Variants in FBXO43 observed in about 807,000 individuals in gnomAD.
The protein encoded by FBXO43 is F-box protein 43.
A neutral mutation model predicts 56.7 loss-of-function variants in FBXO43; 22 were observed. The ratio of observed to expected loss-of-function variants is 0.39; its 90% CI spans 0.28 to 0.55. The LOEUF (loss-of-function observed/expected upper bound fraction) is 0.55. Ranked by LOEUF, FBXO43 falls within the 20% of genes least tolerant of loss-of-function variation. FBXO43 has a pLI of 0.66. For missense variants in FBXO43, 733 were observed against 814.9 expected, an observed-to-expected ratio of 0.90 and a Z score of 1.22; for synonymous variants, 306 against 294.5, an observed-to-expected ratio of 1.04 and a Z score of -0.40.
At chr8:100,145,996 A>C (rs1369634975), upstream of FBXO43, among the ~76,000 whole-genome samples, 1 of 152,196 alleles carries the variant, frequency 6.6e-6, no homozygotes. Context: ...CGGGTCAGAA[A>C]GGCTCTGCTT....
rs1199939625 is a variant in FBXO43, at chr8:100,145,360, A to G, written c.-225T>C. On this transcript the variant is annotated 5_prime_UTR_variant, in exon 1 of 5. Transcript: ENST00000428847. ...TCCAGCTGGACTTAGACATGAGTAA[A>G]CTTCCCAAATTCGGGTTCCTGAAAA... The G allele has an allele frequency of 2.5e-6, 1 of 395,788 alleles. No homozygotes were observed. The highest frequency in any genetic ancestry group is 4.5e-6 in the Non-Finnish European group (1 of 222,552). The allele number at this position is 395,788 out of a possible 1,614,324, so 24.5% of individuals were successfully genotyped here. A position where few individuals can be genotyped will look rare whatever the true frequency, so the allele number is the denominator to read the frequency against.
chr8:100,141,433 T>C lies in FBXO43; in HGVS notation c.821A>G (p.Asn274Ser), dbSNP rs1436367344. Residue 274 changes from asparagine to serine, a missense_variant, in exon 2 of 5, where the codon AAT (asparagine) becomes AGT (serine). Coordinates refer to ENST00000428847, the MANE Select transcript of FBXO43 (RefSeq NM_001029860.4). ...GAGCTCTGGACATGCATTCTCATCA[T>C]TAATGCATAAACTGCTATCACTAAA... ...HDFSDSSLCINDENACPELLG... is the reference protein window; with the variant it reads ...HDFSDSSLCISDENACPELLG... The C allele has an allele frequency of 1.2e-6, 2 of 1,613,300 alleles. No homozygotes were observed. Among genetic ancestry groups the C allele is most frequent in the Non-Finnish European group, 1.7e-6 (2 of 1,179,942 alleles).
chr8:100,140,901 CA>C lies in FBXO43; in HGVS notation c.1352del (p.Met451ArgfsTer17). 1 of 1,614,162 alleles carries C rather than the reference CA, an allele frequency of 6.2e-7. No homozygotes were observed. The highest frequency in any genetic ancestry group is 8.5e-7 in the Non-Finnish European group (1 of 1,180,032). ...PALQLVHELF[M>X]KSKRKRLQEN... ...CCTGTAATCTTTTCCTCTTGCTTTTCATGAACAGCTCATGTACCAATTGCAA... is the reference window on the plus strand; with the variant it reads ...CCTGTAATCTTTTCCTCTTGCTTTTCTGAACAGCTCATGTACCAATTGCAA... On this transcript the variant is annotated frameshift_variant, in exon 2 of 5. Transcript: ENST00000428847. LOFTEE classifies it high-confidence loss of function.
At chr8:100,143,862 C>T (rs1447920614) in intron 1 of FBXO43, among the ~76,000 whole-genome samples, 19 of 152,296 alleles carry the variant, frequency 1.2e-4, no homozygotes, top group Non-Finnish European at 2.8e-4. Flanking sequence ...GCCTCTGCCT[C>T]CCGGGTTCAA....
chr8:100,139,556 G>T (rs963195242), intron 2 of FBXO43, among the ~76,000 whole-genome samples: 1 of 152,184 alleles, frequency 6.6e-6, no homozygotes, highest in Non-Finnish European at 1.5e-5. Context: ...CAGAAATCCT[G>T]TTCCACATGA....
rs1009262611 is a variant in FBXO43 at position 100,142,403 on chromosome 8, T to C, written c.86-235A>G. Among the ~76,000 whole-genome samples the C allele has an allele frequency of 2.6e-5, 4 of 152,196 alleles. No individual in the cohort carries two copies. The East Asian group carries it at 7.7e-4, about 29-fold the overall frequency. On this transcript the variant is annotated intron_variant, in intron 1 of 4. Coordinates refer to ENST00000428847, the MANE Select transcript of FBXO43 (RefSeq NM_001029860.4). ...CAGGTTATAAATATTCAAAGATCAC[T>C]TGATTAATCATAGGCTAAGCATCAT... is the stretch of plus-strand genomic sequence containing the variant.
rs1440496119 is a variant in FBXO43 at position 100,137,663 on chromosome 8, A to G, written c.1576T>C (p.Trp526Arg). 2 of 1,610,384 alleles carry G rather than the reference A, an allele frequency of 1.2e-6. No individual in the cohort carries two copies. The highest frequency in any genetic ancestry group is 1.7e-6 in the Non-Finnish European group (2 of 1,177,224). The change falls in exon 3 of 5, where the codon TGG (tryptophan) becomes CGG (arginine). Residue 526 changes from tryptophan to arginine, a missense_variant. Trp to Arg is a moderately radical substitution (Grantham distance 101, BLOSUM62 -3). Coordinates refer to ENST00000428847, the MANE Select transcript of FBXO43 (RefSeq NM_001029860.4). ...TCACGCCAATTTCTGCTTACTTTCC[A>G]AACACTATAACAAAAAGATCCATCC... is the stretch of plus-strand genomic sequence containing the variant. ...SLTAESLCSVWKVSRNWREIV... is the reference protein window; with the variant it reads ...SLTAESLCSVRKVSRNWREIV...
chr8:100,148,701 C>T (rs763692963), upstream of FBXO43, among the ~76,000 whole-genome samples: 108 of 152,238 alleles, frequency 7.1e-4, no homozygotes, highest in Non-Finnish European at 1.8e-4. Context: ...GCGTGAGCCA[C>T]GGTGCCCAGC....
chr8:100,145,043 A>ACT lies in FBXO43; in HGVS notation c.85+6_85+7dup. 1 of 1,606,498 alleles carries ACT rather than the reference A, an allele frequency of 6.2e-7. No individual in the cohort carries two copies. Among genetic ancestry groups the ACT allele is most frequent in the Non-Finnish European group, 8.5e-7 (1 of 1,176,074 alleles). On this transcript the variant is annotated splice_region_variant and intron_variant, in intron 1 of 4. Coordinates refer to ENST00000428847, the MANE Select transcript of FBXO43 (RefSeq NM_001029860.4). ...ATGTTCTTCATTTGTTAAAGTGGAA[A>ACT]CTCTTACCATCAGTAAATCTTGAGC... is the stretch of plus-strand genomic sequence containing the variant.
upstream of FBXO43, among the ~76,000 whole-genome samples, chr8:100,146,864 A>G (rs748308274): frequency 1.3e-5 from 2 of 152,182 alleles, no homozygotes; most frequent in Non-Finnish European, 2.9e-5. Flanking sequence ...TAAAATTATT[A>G]TGAGACAGGG....
chr8:100,137,680 G>A lies in FBXO43; in HGVS notation c.1572-13C>T. ...TACTTTCCAAACACTATAACAAAAA[G>A]ATCCATCCTTATATTGCATACATTC... On this transcript the variant is annotated splice_polypyrimidine_tract_variant and intron_variant, in intron 2 of 4. Transcript: ENST00000428847. The A allele has an allele frequency of 6.3e-7, 1 of 1,581,576 alleles. No individual in the cohort carries two copies. The highest frequency in any genetic ancestry group is 8.7e-7 in the Non-Finnish European group (1 of 1,151,878).
chr8:100,136,060 A>C (rs138571145), intron 3 of FBXO43, among the ~76,000 whole-genome samples: 62 of 152,240 alleles, frequency 4.1e-4, no homozygotes, highest in Admixed American at 1.2e-3. Context: ...TAATAAGTGC[A>C]TGCTTAAACA....
intron 1 of FBXO43, among the ~76,000 whole-genome samples, chr8:100,143,389 A>G (rs1348815961): frequency 1.3e-5 from 2 of 152,222 alleles, no homozygotes; most frequent in Admixed American, 6.5e-5. Context: ...ACAAAAGCAA[A>G]TTGCTACTCT....
chr8:100,134,142 T>C lies in FBXO43; in HGVS notation c.1878+19A>G, dbSNP rs765203441. The C allele has an allele frequency of 6.2e-7, 1 of 1,607,692 alleles. No homozygotes were observed. Among genetic ancestry groups the C allele is most frequent in the Non-Finnish European group, 8.5e-7 (1 of 1,176,258 alleles). ...GTAAATATTTATTTCTAATAACTTA[T>C]GACATAATAAATACTTACCTTAACA... is the stretch of plus-strand genomic sequence containing the variant. On this transcript the variant is annotated intron_variant, in intron 4 of 4. Coordinates refer to ENST00000428847, the MANE Select transcript of FBXO43 (RefSeq NM_001029860.4).
In FBXO43 at chr8:100,133,784, G is replaced by A. The variant is rs1324852138; in HGVS notation, c.*18C>T. On this transcript the variant is annotated 3_prime_UTR_variant, in exon 5 of 5. Coordinates refer to ENST00000428847, the MANE Select transcript of FBXO43 (RefSeq NM_001029860.4). ...GATAAATAGAACACTGCATGGGGGAGTTCTATATTTAGTCTCTTCAGAGGC... is the reference window on the plus strand; with the variant it reads ...GATAAATAGAACACTGCATGGGGGAATTCTATATTTAGTCTCTTCAGAGGC... 7 of 1,606,712 alleles carry A rather than the reference G, an allele frequency of 4.4e-6. No homozygotes were observed. Among genetic ancestry groups the A allele is most frequent in the Non-Finnish European group, 4.2e-6 (5 of 1,176,940 alleles).
chr8:100,141,885 A>AT lies in FBXO43; in HGVS notation c.368_369insA (p.Gln124SerfsTer9). On this transcript the variant is annotated frameshift_variant, in exon 2 of 5. Coordinates refer to ENST00000428847, the MANE Select transcript of FBXO43 (RefSeq NM_001029860.4). LOFTEE classifies it high-confidence loss of function. ...TAGGCAAGATACATTTCTTTTTTTGAGTGGGAGATTCTAAAGGATGTGTTA... is the reference window on the plus strand; with the variant it reads ...TAGGCAAGATACATTTCTTTTTTTGATGTGGGAGATTCTAAAGGATGTGTTA... The AT allele has an allele frequency of 1.3e-6, 2 of 1,588,038 alleles. No individual in the cohort carries two copies. The highest frequency in any genetic ancestry group is 1.7e-6 in the Non-Finnish European group (2 of 1,172,278).
chr8:100,135,356 C>T (rs912230110), intron 3 of FBXO43, among the ~76,000 whole-genome samples: 4 of 151,958 alleles, frequency 2.6e-5, no homozygotes, highest in Admixed American at 6.6e-5. Flanking sequence ...AAAATTATTT[C>T]GAAATATGGA....
At chr8:100,139,914 T>G (rs1300797763) in intron 2 of FBXO43, among the ~76,000 whole-genome samples, 2 of 152,136 alleles carry the variant, frequency 1.3e-5, no homozygotes, top group African/African-American at 4.8e-5. Flanking sequence ...ACTTAAATAA[T>G]TAAGTGGTAT....
Position 100,142,019 on chromosome 8 carries a change from T to G in FBXO43, c.235A>C (p.Asn79His), listed in dbSNP as rs754126085. The G allele has an allele frequency of 3.1e-6, 5 of 1,613,906 alleles. No individual in the cohort carries two copies. The highest frequency in any genetic ancestry group is 3.3e-4 in the Middle Eastern group (2 of 6,062). ...TCAAAGCTACAAGATTTTAACTCAT[T>G]GTAGCCACTATCTTGAAATGAAGAT... ...STSSFQDSGY[N>H]ELKSCSFDNI... The change falls in exon 2 of 5, where the codon AAT becomes CAT. Residue 79 changes from asparagine to histidine, a missense_variant. Coordinates refer to ENST00000428847, the MANE Select transcript of FBXO43 (RefSeq NM_001029860.4).
Sources: gnomAD v4.1 joint callset for allele counts (sites outside exome capture counted in the v4.1 genomes callset) on GRCh38, gnomAD v4.1.1 for gene constraint, MANE v1.5 for transcripts, NCBI Gene and HGNC (gene_info 2026-07-23, HGNC 2026-07-21) for gene names.